Variants in CAMTA1 observed in about 807,000 individuals in gnomAD.
CAMTA1 encodes the protein calmodulin-binding transcription activator 1.
A neutral mutation model predicts 170.9 loss-of-function variants in CAMTA1; 27 were observed. The observed-to-expected ratio is 0.16, with a 90% CI of 0.12 to 0.22. CAMTA1 has a LOEUF of 0.22. Ranked by LOEUF, CAMTA1 falls within the 10% of genes least tolerant of loss-of-function variation. CAMTA1 has a pLI of 1.00. For synonymous variants in CAMTA1, 833 were observed against 891.5 expected (o/e 0.93, Z 1.17); for missense variants, 1,619 against 2,217.2 (o/e 0.73, Z 5.42).
At chr1:7,225,592 C>T (rs532726068) in intron 4 of CAMTA1, among the ~76,000 whole-genome samples, 9 of 152,274 alleles carry the variant, frequency 5.9e-5, no homozygotes, top group Non-Finnish European at 1.2e-4. Context: ...TCAAGAGTGG[C>T]GAGGCCGGCA....
chr1:7,069,222 T>C (rs1161460712), intron 3 of CAMTA1, among the ~76,000 whole-genome samples: 1 of 152,232 alleles, frequency 6.6e-6, no homozygotes, highest in African/African-American at 2.4e-5. Context: ...GAGTACCTAC[T>C]GCATGCCACA....
chr1:7,305,489 G>A (rs79270875), intron 5 of CAMTA1, among the ~76,000 whole-genome samples: 5,217 of 151,862 alleles, frequency 0.034, 307 homozygotes, highest in African/African-American at 0.12. Context: ...AACACCATAG[G>A]TTTTGTCTTT....
chr1:7,552,505 A>G (rs1383577666), intron 6 of CAMTA1, among the ~76,000 whole-genome samples: 1 of 152,252 alleles, frequency 6.6e-6, no homozygotes, highest in Non-Finnish European at 1.5e-5. Context: ...CCTGACACAC[A>G]GGGGTGGGAC....
At chr1:7,496,296 G>A (rs1359039019) in intron 6 of CAMTA1, among the ~76,000 whole-genome samples, 7 of 152,236 alleles carry the variant, frequency 4.6e-5, no homozygotes, top group Non-Finnish European at 8.8e-5. Context: ...ATGGCTCTAT[G>A]TGGGGCACGT....
At chr1:7,488,508 T>A (rs149502146) in intron 6 of CAMTA1, among the ~76,000 whole-genome samples, 1 of 151,766 alleles carries the variant, frequency 6.6e-6, no homozygotes, top group Non-Finnish European at 1.5e-5. Context: ...CACACGCACA[T>A]ACACACACAT....
intron 3 of CAMTA1, among the ~76,000 whole-genome samples, chr1:6,859,385 T>C (rs1261554156): frequency 6.6e-6 from 1 of 152,234 alleles, no homozygotes; most frequent in Non-Finnish European, 1.5e-5. Flanking sequence ...AATCCCTTAT[T>C]GGTTGTCGTC....
intron 5 of CAMTA1, among the ~76,000 whole-genome samples, chr1:7,272,631 A>C (rs1669966685): frequency 1.4e-5 from 2 of 143,620 alleles, no homozygotes; most frequent in Non-Finnish European, 3.0e-5. Flanking sequence ...GGACCAAGAC[A>C]ATTTAATCAT....
chr1:7,746,064 T>C lies in CAMTA1; in HGVS notation c.4590T>C (p.Leu1530=). The change falls in exon 18 of 23, where the codon CTT becomes CTC. Residue 1530 remains leucine (L), a synonymous_variant. Transcript: ENST00000303635. ...EQRELYEAAR[L]VQTAFRKYKG... ...GAGAACTCTATGAGGCTGCCAGGCT[T>C]GTCCAGACAGCTTTCCGGAAATACA... The C allele has an allele frequency of 6.2e-7, 1 of 1,614,176 alleles. No individual in the cohort carries two copies. Among genetic ancestry groups the C allele is most frequent in the South Asian group, 1.1e-5 (1 of 91,090 alleles).
intron 6 of CAMTA1, among the ~76,000 whole-genome samples, chr1:7,625,046 G>A (rs901443198): frequency 2.6e-5 from 4 of 152,210 alleles, no homozygotes; most frequent in Non-Finnish European, 1.5e-5. Context: ...GGGGTGAGAA[G>A]GGTGCATGGG....
At chr1:7,628,182 C>T (rs950378047) in intron 6 of CAMTA1, among the ~76,000 whole-genome samples, 1 of 152,204 alleles carries the variant, frequency 6.6e-6, no homozygotes, top group Non-Finnish European at 1.5e-5. Flanking sequence ...TTCTCCTTCT[C>T]CATGTGCTGG....
intron 21 of CAMTA1, among the ~76,000 whole-genome samples, chr1:7,754,116 C>A (rs1460218017): frequency 6.6e-6 from 1 of 152,218 alleles, no homozygotes; most frequent in Non-Finnish European, 1.5e-5. Flanking sequence ...GTTCCTTCCT[C>A]CCTTTTCCTC....
chr1:7,676,171 C>T (rs1030883512), intron 10 of CAMTA1, among the ~76,000 whole-genome samples: 1 of 152,236 alleles, frequency 6.6e-6, no homozygotes, highest in Non-Finnish European at 1.5e-5. Flanking sequence ...GGCAGGCATG[C>T]GACCACAAGC....
intron 4 of CAMTA1, among the ~76,000 whole-genome samples, chr1:7,133,672 G>T (rs1271728398): frequency 1.3e-5 from 2 of 152,174 alleles, no homozygotes; most frequent in South Asian, 4.1e-4. Flanking sequence ...ATAGGTAGCA[G>T]CAGACGTCCT....
At chr1:7,166,053 T>G (rs563582509) in intron 4 of CAMTA1, among the ~76,000 whole-genome samples, 74 of 151,596 alleles carry the variant, frequency 4.9e-4, no homozygotes, top group African/African-American at 1.6e-3. Flanking sequence ...AGCGGGGGGG[T>G]GTGTTTACTT....
rs70987363 is a variant in CAMTA1 at position 7,680,872 on chromosome 1, A to AGCAGCAGCAGCAGCT, written c.2914+3150_2914+3151insAGCTGCAGCAGCAGC. Among the ~76,000 whole-genome samples the AGCAGCAGCAGCAGCT allele has an allele frequency of 6.8e-6, 1 of 146,262 alleles. No individual in the cohort carries two copies. Among genetic ancestry groups the AGCAGCAGCAGCAGCT allele is most frequent in the Non-Finnish European group, 1.5e-5 (1 of 65,774 alleles). On this transcript the variant is annotated intron_variant, in intron 11 of 22. Transcript: ENST00000303635. This position sits in a 1 kb window ranked among gnomAD's most constrained non-coding sequence, Gnocchi z 4.4. ...CGCGCGCGCGCGCGCCAGCAGCAGC[A>AGCAGCAGCAGCAGCT]GCAGCAGCAGCTGCTGCGGCGAAGT...
At chr1:6,877,819 CT>C (rs1171734689) in intron 3 of CAMTA1, among the ~76,000 whole-genome samples, 1 of 152,182 alleles carries the variant, frequency 6.6e-6, no homozygotes, top group Non-Finnish European at 1.5e-5. Flanking sequence ...ACCAGAATGA[CT>C]TTTGTCACTC....
At chr1:7,157,803 A>G (rs938716405) in intron 4 of CAMTA1, among the ~76,000 whole-genome samples, 9 of 152,320 alleles carry the variant, frequency 5.9e-5, no homozygotes, top group Admixed American at 3.9e-4. Flanking sequence ...GGGTCTACCA[A>G]CAGGTGAGTG....
At chr1:7,397,869 A>G (rs1318943724) in intron 5 of CAMTA1, among the ~76,000 whole-genome samples, 1 of 152,082 alleles carries the variant, frequency 6.6e-6, no homozygotes, top group East Asian at 1.9e-4. Flanking sequence ...ATTTAAAAAA[A>G]CTTTTTGAGA....
At chr1:7,581,577 C>T (rs1215764570) in intron 6 of CAMTA1, among the ~76,000 whole-genome samples, 1 of 152,250 alleles carries the variant, frequency 6.6e-6, no homozygotes, top group Non-Finnish European at 1.5e-5. Context: ...ACAAGAGCAC[C>T]CTCCCTCCAC....
Sources: gnomAD v4.1 joint callset for allele counts (sites outside exome capture counted in the v4.1 genomes callset) on GRCh38, gnomAD v4.1.1 for gene constraint, Gnocchi (gnomAD v3.1) non-coding constraint, MANE v1.5 for transcripts, NCBI Gene and HGNC (gene_info 2026-07-23, HGNC 2026-07-21) for gene names.